SCAP: variants seen among roughly 807,000 people sequenced by gnomAD.
SCAP encodes SREBF chaperone, also known as sterol regulatory element-binding protein cleavage-activating protein.
Under a neutral mutation model 123.6 loss-of-function variants are expected in SCAP, and 65 were observed. The observed-to-expected ratio is 0.53, with a 90% CI of 0.43 to 0.65. SCAP has a LOEUF of 0.65. Among genes scored for constraint, SCAP ranks in the 30% least tolerant of loss-of-function variants. The pLI, the probability that SCAP is intolerant of heterozygous loss-of-function variation, is 0.00. For synonymous variants in SCAP, 740 were observed against 726.3 expected, an observed-to-expected ratio of 1.02 and a Z score of -0.30; for missense variants, 1,398 against 1,712.5, an observed-to-expected ratio of 0.82 and a Z score of 3.24.
chr3:47,437,108 G>A (rs1417098200), intron 2 of SCAP, among the ~76,000 whole-genome samples: 2 of 152,142 alleles, frequency 1.3e-5, no homozygotes, highest in Non-Finnish European at 2.9e-5. Flanking sequence ...TATTCCACTG[G>A]TTGAGGAACA....
At chr3:47,461,722 A>ATG (rs1207670406) in intron 1 of SCAP, among the ~76,000 whole-genome samples, 4 of 152,020 alleles carry the variant, frequency 2.6e-5, no homozygotes, top group Non-Finnish European at 1.5e-5. Flanking sequence ...CAACAAAATA[A>ATG]TGTGTTTTAA....
intron 1 of SCAP, among the ~76,000 whole-genome samples, chr3:47,462,740 C>T (rs1410910429): frequency 2.5e-5 from 3 of 121,916 alleles, no homozygotes; most frequent in East Asian, 2.3e-4. Flanking sequence ...GCAATAAGAG[C>T]GAAACTCCGT....
chr3:47,430,867 G>A (rs1706330259), intron 3 of SCAP, among the ~76,000 whole-genome samples: 1 of 152,158 alleles, frequency 6.6e-6, no homozygotes, highest in Admixed American at 6.5e-5. Context: ...CATGCGTGTG[G>A]ATGAAAGGGA....
chr3:47,440,478 TC>T (rs1706750594), intron 2 of SCAP, among the ~76,000 whole-genome samples: 1 of 151,920 alleles, frequency 6.6e-6, no homozygotes. Context: ...TTTTCTCAAG[TC>T]AATCAGGTTT....
Position 47,419,391 on chromosome 3 carries a change from C to T in SCAP, c.1877G>A (p.Arg626Lys). The T allele has an allele frequency of 6.2e-7, 1 of 1,612,014 alleles. No homozygotes were observed. The highest frequency in any genetic ancestry group is 8.5e-7 in the Non-Finnish European group (1 of 1,179,408). ...CGGCCAGTGGCGGAAGGACAATTTC[C>T]TCCAAAGTTCCTCATCCTCAGGCCC... ...TWGPEDEELW[R>K]KLSFRHWPTL... The change falls in exon 13 of 23, where the codon AGG becomes AAG. Residue 626 changes from arginine (R) to lysine (K), a missense_variant. Around this residue, in one of 7 missense-constraint regions of SCAP, gnomAD observed 828 missense variants for 882.5 expected, o/e 0.94. Coordinates refer to ENST00000265565, the MANE Select transcript of SCAP (RefSeq NM_012235.4). This position sits in a 1 kb window ranked among gnomAD's most constrained non-coding sequence, Gnocchi z 5.0.
chr3:47,456,633 T>C (rs1326274862), intron 1 of SCAP, among the ~76,000 whole-genome samples: 1 of 151,156 alleles, frequency 6.6e-6, no homozygotes, highest in African/African-American at 2.4e-5. Context: ...AGTGTGGTGG[T>C]ACACGCCTGT....
intron 1 of SCAP, among the ~76,000 whole-genome samples, chr3:47,446,583 G>A (rs546667899): frequency 3.4e-4 from 51 of 151,958 alleles, no homozygotes; most frequent in African/African-American, 1.2e-3. Context: ...GAGTGGAATT[G>A]CTTGGTCATA....
intron 1 of SCAP, among the ~76,000 whole-genome samples, chr3:47,474,169 G>T (rs929705852): frequency 2.0e-5 from 3 of 151,988 alleles, no homozygotes; most frequent in Non-Finnish European, 4.4e-5. Context: ...GGAGGCTGAG[G>T]CAGGAGAATC....
At position 47,417,192 on chromosome 3, in the gene SCAP, C is replaced by T. The variant is rs1196420465; in HGVS notation, c.2986G>A (p.Glu996Lys). 2.5e-6 allele frequency: 4 copies of T among 1,612,926 alleles called. No homozygotes were observed. In the East Asian group the frequency reaches 8.9e-5, roughly 36 times the overall value. ...SGRLEVWDAI[E>K]GVLCCSSEEV... The stretch of plus-strand genomic sequence containing the variant: ...TCGCTGCTGCAGCACAGCACCCCTT[C>T]AATGGCGTCCCACACCTACGAGTCC... The change falls in exon 18 of 23, where the codon GAA becomes AAA. Residue 996 changes from glutamate to lysine, a missense_variant. Physicochemically the swap from Glu to Lys is moderately conservative, Grantham distance 56. Coordinates refer to ENST00000265565, the MANE Select transcript of SCAP (RefSeq NM_012235.4).
intron 16 of SCAP, 34 bp from the exon 17 acceptor site, chr3:47,417,860 CG>C (rs1705675291): frequency 1.5e-6 from 1 of 653,192 alleles, no homozygotes; most frequent in Non-Finnish European, 2.1e-6. Context: ...AGAGGGGGCA[CG>C]GGGGAGGGGG....
intron 1 of SCAP, among the ~76,000 whole-genome samples, chr3:47,464,872 C>G (rs1707768291): frequency 6.6e-6 from 1 of 151,996 alleles, no homozygotes; most frequent in African/African-American, 2.4e-5. Context: ...TGTAGAAAAC[C>G]CTAAAGATTA....
chr3:47,473,080 CAAAA>C lies in SCAP; in HGVS notation c.-99+2715_-99+2718del, dbSNP rs34472664. Among the ~76,000 whole-genome samples the C allele has an allele frequency of 3.2e-4, 12 of 38,060 alleles. No homozygotes were observed. The East Asian group carries it at 8.9e-3, about 28-fold the overall frequency. The allele number at this position is 38,060 out of a possible 152,430, so 25.0% of individuals were successfully genotyped here. A position where few individuals can be genotyped will look rare whatever the true frequency, so the allele number is the denominator to read the frequency against. On this transcript the variant is annotated intron_variant, in intron 1 of 22. Transcript: ENST00000265565. ...GGGCAAGAAGAGCGAAACTCCATCT[CAAAA>C]AAAAAAAAAAAAAAACAGACTGTGG...
intron 4 of SCAP, 152 bp from the exon 5 acceptor site, chr3:47,427,819 G>A (rs1321653126): frequency 1.5e-6 from 1 of 665,482 alleles, no homozygotes; most frequent in Non-Finnish European, 2.5e-6. Context: ...GCAGGGGGAA[G>A]TACTTCCAGG....
intron 2 of SCAP, among the ~76,000 whole-genome samples, chr3:47,436,909 A>G (rs1706600381): frequency 6.6e-6 from 1 of 152,214 alleles, no homozygotes; most frequent in South Asian, 2.1e-4. Flanking sequence ...CTCTATCACC[A>G]TAAATTAGTT....
Position 47,420,806 on chromosome 3 carries a change from A to G in SCAP, c.1345-34T>C. On this transcript the variant is annotated intron_variant, in intron 11 of 22. Coordinates refer to ENST00000265565, the MANE Select transcript of SCAP (RefSeq NM_012235.4). This position sits in a 1 kb window ranked among gnomAD's most constrained non-coding sequence, Gnocchi z 5.0. ...GGCACAGTGGTCAGGGCCTGAGTCCACCATCCAGAGGCTGCTCGCACAGGA... is the reference window on the plus strand; with the variant it reads ...GGCACAGTGGTCAGGGCCTGAGTCCGCCATCCAGAGGCTGCTCGCACAGGA... 1 of 1,603,108 alleles carries G rather than the reference A, an allele frequency of 6.2e-7. No homozygotes were observed.
At chr3:47,464,062 C>CTGGA (rs1232454117) in intron 1 of SCAP, among the ~76,000 whole-genome samples, 1 of 152,112 alleles carries the variant, frequency 6.6e-6, no homozygotes, top group Non-Finnish European at 1.5e-5. Flanking sequence ...GTCACCCAGG[C>CTGGA]TGGAGTACAG....
intron 2 of SCAP, among the ~76,000 whole-genome samples, chr3:47,437,350 A>G (rs144764229): frequency 4.4e-4 from 66 of 151,122 alleles, no homozygotes; most frequent in African/African-American, 1.5e-3. Flanking sequence ...GAGGCAGGAA[A>G]ATCACTTGAA....
In SCAP at chr3:47,414,026, G is replaced by A. The variant is rs137940863; in HGVS notation, c.3668C>T (p.Ser1223Phe). 7.4e-6 allele frequency: 12 copies of A among 1,613,154 alleles called. No individual in the cohort carries two copies. Among genetic ancestry groups the A allele is most frequent in the African/African-American group, 2.7e-5 (2 of 74,912 alleles). The change falls in exon 23 of 23, where the codon TCC becomes TTC. Residue 1223 changes from serine to phenylalanine, a missense_variant. By Grantham distance (155) the Ser-to-Phe change is radical. Around this residue, in one of 7 missense-constraint regions of SCAP, gnomAD observed 130 missense variants for 166.7 expected, o/e 0.78. Coordinates refer to ENST00000265565, the MANE Select transcript of SCAP (RefSeq NM_012235.4). ...GTCCCCGTAGTTTAGGTCCCAAAAG[G>A]AGACACAGCCCTGGCCGCCAGTCAC... ...LLVTGGQGCVSFWDLNYGDLL... is the reference protein window; with the variant it reads ...LLVTGGQGCVFFWDLNYGDLL...
upstream of SCAP, chr3:47,476,243 G>A (rs1182167547): frequency 6.6e-6 from 1 of 152,228 alleles, no homozygotes; most frequent in Non-Finnish European, 1.5e-5. Context: ...CGCGAAGATC[G>A]CTTGAGCCGA....
Sources: allele counts gnomAD v4.1 joint callset (sites outside exome capture counted in the v4.1 genomes callset), GRCh38; gene constraint gnomAD v4.1.1; regional missense constraint gnomAD v4.1.1; non-coding constraint Gnocchi (gnomAD v3.1); transcripts MANE v1.5; gene names NCBI Gene and HGNC (gene_info 2026-07-23, HGNC 2026-07-21).